The following KIFC3 variants were observed in gnomAD, a reference collection of about 807,000 sequenced individuals.
The protein encoded by KIFC3 is kinesin family member C3.
Under a neutral mutation model 101.8 loss-of-function variants are expected in KIFC3, and 60 were observed. That is an observed-to-expected ratio of 0.59 (90% CI 0.48 to 0.73). The LOEUF is 0.73. Ranked by LOEUF, KIFC3 falls within the 30% of genes least tolerant of loss-of-function variation. KIFC3 has a pLI of 0.00. For synonymous variants in KIFC3, 476 were observed against 482.7 expected (o/e 0.99, Z 0.18); for missense variants, 966 against 1,137.1 (o/e 0.85, Z 2.16).
At chr16:57,804,654 A>G (rs2149247587), upstream of KIFC3, among the ~76,000 whole-genome samples, 1 of 152,186 alleles carries the variant, frequency 6.6e-6, no homozygotes, top group South Asian at 2.1e-4. Context: ...CAGTGATGCA[A>G]TCATAGCTCA....
Position 57,798,089 on chromosome 16 carries a change from G to A in KIFC3, c.155C>T (p.Pro52Leu), listed in dbSNP as rs782068645. ...PAARPFPHTG[P>L]GRLRTGRGKD... ...GGACTCACCAGTTCTCAACCTCCCC[G>A]GGCCGGTGTGTGGGAAAGGGCGGGC... Residue 52 changes from proline to leucine, a missense_variant, in exon 2 of 20, where the codon CCG (proline) becomes CTG (leucine). Pro to Leu is a moderately conservative substitution (Grantham distance 98). Coordinates refer to ENST00000445690, the MANE Select transcript of KIFC3 (RefSeq NM_001130100.2). The A allele has an allele frequency of 7.5e-6, 12 of 1,592,500 alleles. No homozygotes were observed. Among genetic ancestry groups the A allele is most frequent in the Non-Finnish European group, 1.0e-5 (12 of 1,169,964 alleles).
At chr16:57,854,227 C>T (rs947280130) in intron 1 of KIFC3, among the ~76,000 whole-genome samples, 3 of 152,184 alleles carry the variant, frequency 2.0e-5, no homozygotes, top group Non-Finnish European at 4.4e-5. Flanking sequence ...CAGGTGTGAG[C>T]CACCATGCCC....
chr16:57,827,521 T>C (rs2055484428), intron 1 of KIFC3, among the ~76,000 whole-genome samples: 1 of 152,232 alleles, frequency 6.6e-6, no homozygotes, highest in African/African-American at 2.4e-5. Context: ...TTCTCCTGCC[T>C]GTCCCTCAGA....
At chr16:57,829,221 A>G (rs990831426) in intron 1 of KIFC3, among the ~76,000 whole-genome samples, 1 of 152,142 alleles carries the variant, frequency 6.6e-6, no homozygotes, top group Non-Finnish European at 1.5e-5. Context: ...TTTATTTTTT[A>G]TTTTAGTTTT....
At chr16:57,822,525 C>T (rs560323876) in intron 1 of KIFC3, among the ~76,000 whole-genome samples, 71 of 152,064 alleles carry the variant, frequency 4.7e-4, no homozygotes, top group African/African-American at 1.1e-3. Context: ...GGTGAAACCC[C>T]GTCCCTACTG....
At chr16:57,798,408 C>A in intron 1 of KIFC3, 126 bp from the exon 2 acceptor site, 1 of 816,022 alleles carries the variant, frequency 1.2e-6, no homozygotes, top group Non-Finnish European at 2.0e-6. Flanking sequence ...GCAGCAGCTC[C>A]AACTGCACTG....
At chr16:57,823,098 G>A (rs782217088) in intron 1 of KIFC3, among the ~76,000 whole-genome samples, 2 of 152,102 alleles carry the variant, frequency 1.3e-5, no homozygotes, top group Non-Finnish European at 2.9e-5. Context: ...TTCAAAAGTC[G>A]ACCAGCATTA....
intron 1 of KIFC3, among the ~76,000 whole-genome samples, chr16:57,842,015 T>A (rs1031437569): frequency 5.3e-5 from 8 of 152,052 alleles, no homozygotes; most frequent in African/African-American, 1.7e-4. Flanking sequence ...ATCTCCTGCC[T>A]TCTCCCTGCG....
At chr16:57,818,018 T>G (rs2967145) in intron 1 of KIFC3, among the ~76,000 whole-genome samples, 3 of 151,240 alleles carry the variant, frequency 2.0e-5, no homozygotes, top group African/African-American at 7.3e-5. Flanking sequence ...TTCTTTCTTT[T>G]TTTTTTTTTT....
chr16:57,829,578 T>C (rs1555478834), intron 1 of KIFC3, among the ~76,000 whole-genome samples: 1 of 152,192 alleles, frequency 6.6e-6, no homozygotes, highest in African/African-American at 2.4e-5. Context: ...TTAAATGTTC[T>C]TTTTAGCGGC....
chr16:57,819,120 G>A (rs546119089), intron 1 of KIFC3, among the ~76,000 whole-genome samples: 13 of 149,192 alleles, frequency 8.7e-5, no homozygotes, highest in East Asian at 3.9e-4. Flanking sequence ...CACCCCAGAC[G>A]TAGCTCCAGA....
At chr16:57,838,199 T>C (rs1313181094) in intron 1 of KIFC3, among the ~76,000 whole-genome samples, 1 of 152,148 alleles carries the variant, frequency 6.6e-6, no homozygotes. Flanking sequence ...ACAAGCAGCT[T>C]CCCAAGCCTC....
At chr16:57,825,735 T>A (rs1409776816) in intron 1 of KIFC3, among the ~76,000 whole-genome samples, 1 of 152,230 alleles carries the variant, frequency 6.6e-6, no homozygotes, top group Non-Finnish European at 1.5e-5. Context: ...TGGAGTGCAG[T>A]GACATGATCT....
At position 57,761,598 on chromosome 16, in the gene KIFC3, C is replaced by T. The variant is rs1288395337; in HGVS notation, c.1749-62G>A. 2.6e-6 allele frequency: 4 copies of T among 1,564,024 alleles called. No individual in the cohort carries two copies. The South Asian group carries it at 3.5e-5, about 14-fold the overall frequency. On this transcript the variant is annotated intron_variant, in intron 13 of 19. Coordinates refer to ENST00000445690, the MANE Select transcript of KIFC3 (RefSeq NM_001130100.2). ...ATTTCCAGCTGCTGTTTGCACTGCA[C>T]CCAGCCCCCCAGCCAGGAATGTTCC...
intron 18 of KIFC3, 23 bp downstream of exon 18, chr16:57,759,705 C>T: frequency 6.3e-7 from 1 of 1,578,148 alleles, no homozygotes; most frequent in African/African-American, 1.3e-5. Context: ...GACTCCCCAC[C>T]CACACTGCCA....
At chr16:57,839,615 A>G (rs2055762721) in intron 1 of KIFC3, among the ~76,000 whole-genome samples, 1 of 152,166 alleles carries the variant, frequency 6.6e-6, no homozygotes, top group South Asian at 2.1e-4. Flanking sequence ...AAAATCCTGT[A>G]AATTGGAGAC....
At chr16:57,816,802 A>C (rs1224771054) in intron 1 of KIFC3, 4 of 455,340 alleles carry the variant, frequency 8.8e-6, no homozygotes, top group Non-Finnish European at 1.8e-5. Context: ...GGAAACCAAG[A>C]CCAGGGAACC....
intron 1 of KIFC3, among the ~76,000 whole-genome samples, chr16:57,835,237 G>A (rs1300215302): frequency 2.0e-5 from 3 of 152,092 alleles, no homozygotes; most frequent in Non-Finnish European, 4.4e-5. Context: ...ACTACCAAAC[G>A]ACTTATTTTA....
chr16:57,815,992 A>G (rs1555628713), intron 1 of KIFC3, among the ~76,000 whole-genome samples: 1 of 151,964 alleles, frequency 6.6e-6, no homozygotes, highest in Non-Finnish European at 1.5e-5. Context: ...CTTGAACTTC[A>G]CCTGGGGTGA....
Sources: gnomAD v4.1 joint callset for allele counts (sites outside exome capture counted in the v4.1 genomes callset) on GRCh38, gnomAD v4.1.1 for gene constraint, MANE v1.5 for transcripts, NCBI Gene and HGNC (gene_info 2026-07-23, HGNC 2026-07-21) for gene names.